The following RUFY1 variants were observed in gnomAD, a reference collection of about 807,000 sequenced individuals.
RUFY1 encodes the protein RUN and FYVE domain-containing protein 1.
Under a neutral mutation model 94.6 loss-of-function variants are expected in RUFY1, and 54 were observed. The observed-to-expected ratio is 0.57, with a 90% confidence interval of 0.46 to 0.72. RUFY1 has a LOEUF of 0.72. RUFY1 is among the 30% of genes least tolerant of loss of function. The pLI is 0.00. For synonymous variants in RUFY1, 396 were observed against 347.3 expected (o/e 1.14, Z -1.56); for missense variants, 883 against 883.9 (o/e 1.00, Z 0.01).
chr5:179,571,091 C>A (rs1763194468), intron 5 of RUFY1, among the ~76,000 whole-genome samples: 1 of 152,208 alleles, frequency 6.6e-6, no homozygotes, highest in African/African-American at 2.4e-5. Context: ...ATGTTCCACA[C>A]AGTTCTCAAT....
At chr5:179,567,046 C>CT (rs1452764980) in intron 3 of RUFY1, among the ~76,000 whole-genome samples, 1 of 151,792 alleles carries the variant, frequency 6.6e-6, no homozygotes, top group African/African-American at 2.4e-5. Flanking sequence ...AGGCAAGACT[C>CT]TATCTCAAAA....
intron 16 of RUFY1, 167 bp from the exon 17 acceptor site, chr5:179,607,415 G>A (rs1353254308): frequency 5.8e-5 from 37 of 642,384 alleles, no homozygotes; most frequent in South Asian, 9.2e-5. Flanking sequence ...GGCCAGACGG[G>A]GAAAGAGCCC....
At chr5:179,577,158 A>AATT in intron 6 of RUFY1, 22 bp downstream of exon 6, 3 of 392,410 alleles carry the variant, frequency 7.6e-6, no homozygotes, top group Non-Finnish European at 1.2e-5. Context: ...GTTGTATGTC[A>AATT]CTTTTTTTTT....
rs760830461 is a variant in RUFY1 at position 179,580,952 on chromosome 5, A to G, written c.896A>G (p.Glu299Gly). ...TCTTATGCTCCTTTTAAAAGGCATG[A>G]AAGAATTACTGATGTCCTTGATCAA... Reference protein sequence around the residue: ...VQDLDGGKEHERITDVLDQKN... With the variant: ...VQDLDGGKEHGRITDVLDQKN... Residue 299 changes from glutamate (E) to glycine (G), a missense_variant, in exon 7 of 18, where the codon GAA (glutamate) becomes GGA (glycine). By Grantham distance (98) the Glu-to-Gly change is moderately conservative (BLOSUM62 -2). Coordinates refer to ENST00000319449, the MANE Select transcript of RUFY1 (RefSeq NM_025158.5). 1 of 1,597,758 alleles carries G rather than the reference A, an allele frequency of 6.3e-7. No homozygotes were observed. Among genetic ancestry groups the G allele is most frequent in the South Asian group, 1.1e-5 (1 of 89,084 alleles).
chr5:179,596,442 A>T, intron 12 of RUFY1, 120 bp from the exon 13 acceptor site: 1 of 1,302,698 alleles, frequency 7.7e-7, no homozygotes, highest in Non-Finnish European at 1.1e-6. Context: ...TCCACGTGTT[A>T]AAACTCACAA....
At chr5:179,602,094 T>A in intron 15 of RUFY1, 108 bp downstream of exon 15, 1 of 866,732 alleles carries the variant, frequency 1.2e-6, no homozygotes, top group Non-Finnish European at 1.9e-6. Flanking sequence ...GTGGGCCATT[T>A]AGGAGCTCAG....
chr5:179,567,331 C>A, intron 3 of RUFY1, 130 bp from the exon 4 acceptor site: 2 of 690,010 alleles, frequency 2.9e-6, no homozygotes, highest in Non-Finnish European at 2.5e-6. Context: ...CAACCCCAAA[C>A]AGCCATTCTT....
intron 1 of RUFY1, among the ~76,000 whole-genome samples, chr5:179,558,630 A>G (rs1762229670): frequency 1.3e-5 from 2 of 151,906 alleles, no homozygotes; most frequent in East Asian, 3.9e-4. Context: ...GCCACTTTTA[A>G]CCCTCTCCAC....
At position 179,580,918 on chromosome 5, in the gene RUFY1, G is replaced by A. The variant is rs201238987; in HGVS notation, c.891-29G>A. 4.3e-6 allele frequency: 6 copies of A among 1,379,640 alleles called. No individual in the cohort carries two copies. The East Asian group carries it at 1.4e-4, about 32-fold the overall frequency. The allele number at this position is 1,379,640 out of a possible 1,614,324, so 85.5% of individuals were successfully genotyped here. A position where few individuals can be genotyped will look rare whatever the true frequency, so the allele number is the denominator to read the frequency against. ...AAGTATTAACCATTAATAAAAAAAA[G>A]TTCTTCCTTCTTATGCTCCTTTTAA... is the stretch of plus-strand genomic sequence containing the variant. On this transcript the variant is annotated intron_variant, in intron 6 of 17. Transcript: ENST00000319449.
At chr5:179,602,117 G>A (rs932253054) in intron 15 of RUFY1, 131 bp downstream of exon 15, 41 of 706,124 alleles carry the variant, frequency 5.8e-5, no homozygotes, top group Non-Finnish European at 8.4e-5. Context: ...CGCCGTTCAC[G>A]GATGAGCTCT....
chr5:179,560,875 C>T (rs1762406010), intron 2 of RUFY1, among the ~76,000 whole-genome samples: 1 of 151,744 alleles, frequency 6.6e-6, no homozygotes, highest in African/African-American at 2.4e-5. Flanking sequence ...TTCATGGAAC[C>T]CGTATATCCA....
Position 179,609,356 on chromosome 5 carries a change from G to A in RUFY1, c.1984-20G>A, listed in dbSNP as rs7448707. On this transcript the variant is annotated intron_variant, in intron 17 of 17. Transcript: ENST00000319449. Reference sequence around the variant, plus strand: ...GCTTTTCCCCGGGTGTCCTGTGACCGCCTTCTTCCCGTCCTGTAGCACCAC... The same window carrying A: ...GCTTTTCCCCGGGTGTCCTGTGACCACCTTCTTCCCGTCCTGTAGCACCAC... The A allele has an allele frequency of 0.25, 401,491 of 1,609,516 alleles. 57,176 individuals are homozygous for A. Among genetic ancestry groups the A allele is most frequent in the East Asian group, 0.62 (27,876 of 44,742 alleles).
chr5:179,571,153 C>T (rs1376886368), intron 5 of RUFY1, among the ~76,000 whole-genome samples: 3 of 152,122 alleles, frequency 2.0e-5, no homozygotes, highest in Admixed American at 6.6e-5. Context: ...CATTTTTTAA[C>T]GTACAATTAT....
At position 179,569,391 on chromosome 5, in the gene RUFY1, A is replaced by T; in HGVS notation, c.794A>T (p.Asn265Ile). ...LLVGLNVLDA[N>I]LCLKGEDLDS... ...GTGGGACTCAATGTTCTCGATGCCA[A>T]TCTCTGCTTGAAAGGAGAAGACTTG... Residue 265 changes from asparagine (N) to isoleucine (I), a missense_variant, in exon 5 of 18, where the codon AAT (asparagine) becomes ATT (isoleucine). By Grantham distance (149) the Asn-to-Ile change is moderately radical. Coordinates refer to ENST00000319449, the MANE Select transcript of RUFY1 (RefSeq NM_025158.5). 6.2e-7 allele frequency: 1 copy of T among 1,613,606 alleles called. No individual in the cohort carries two copies. Among genetic ancestry groups the T allele is most frequent in the East Asian group, 2.2e-5 (1 of 44,772 alleles).
chr5:179,562,449 C>T, intron 2 of RUFY1, 98 bp from the exon 3 acceptor site: 1 of 728,596 alleles, frequency 1.4e-6, no homozygotes, highest in Non-Finnish European at 2.5e-6. Flanking sequence ...AGTTTAGCAG[C>T]TTTCACTTCC....
At chr5:179,551,288 C>T (rs1009561257) in intron 1 of RUFY1, among the ~76,000 whole-genome samples, 1 of 152,238 alleles carries the variant, frequency 6.6e-6, no homozygotes, top group Non-Finnish European at 1.5e-5. Context: ...AGCGGCGCCT[C>T]CGCTCACCTC....
intron 9 of RUFY1, among the ~76,000 whole-genome samples, chr5:179,591,399 T>C (rs1221790480): frequency 6.6e-6 from 1 of 150,786 alleles, no homozygotes; most frequent in Admixed American, 6.6e-5. Flanking sequence ...TTAGCCAGGA[T>C]GGTCTCGATC....
chr5:179,556,175 C>T (rs1762107789), intron 1 of RUFY1, among the ~76,000 whole-genome samples: 1 of 152,038 alleles, frequency 6.6e-6, no homozygotes, highest in Non-Finnish European at 1.5e-5. Context: ...TACCACCATC[C>T]ATCTTTAAAA....
At chr5:179,593,364 C>A in intron 10 of RUFY1, 114 bp from the exon 11 acceptor site, 1 of 1,251,888 alleles carries the variant, frequency 8.0e-7, no homozygotes, top group Non-Finnish European at 1.1e-6. Context: ...CAGGCATGAG[C>A]CACCACACCC....
Sources: allele counts gnomAD v4.1 joint callset (sites outside exome capture counted in the v4.1 genomes callset), GRCh38; gene constraint gnomAD v4.1.1; transcripts MANE v1.5; gene names NCBI Gene and HGNC (gene_info 2026-07-23, HGNC 2026-07-21).